TMEM59: variants seen among roughly 807,000 people sequenced by gnomAD.
TMEM59 encodes transmembrane protein 59, also known as dendritic cell factor 1.
In TMEM59, 44 loss-of-function variants were observed where a neutral mutation model predicts 42.2. The observed-to-expected ratio is 1.04, with a 90% CI of 0.82 to 1.34. The LOEUF (loss-of-function observed/expected upper bound fraction) is 1.34. TMEM59 is among the 40% of genes most tolerant of loss of function. The pLI, the probability that TMEM59 is intolerant of heterozygous loss-of-function variation, is 0.00. For synonymous variants in TMEM59, 148 were observed against 145.8 expected, an observed-to-expected ratio of 1.02 and a Z score of -0.11; for missense variants, 359 against 382.8, an observed-to-expected ratio of 0.94 and a Z score of 0.52.
At position 54,043,391 on chromosome 1, in the gene TMEM59, T is replaced by C. The variant is rs1413086793; in HGVS notation, c.525A>G (p.Gly175=). 1.3e-6 allele frequency: 2 copies of C among 1,551,030 alleles called. No individual in the cohort carries two copies. Among genetic ancestry groups the C allele is most frequent in the Non-Finnish European group, 8.7e-7 (1 of 1,151,916 alleles). Residue 175 remains glycine (G), a synonymous_variant, in exon 4 of 8, where the codon GGA becomes GGG. Transcript: ENST00000234831. ...SWTFYLQADD[G]KIVIFQSKPE... ...TTGTCACCTGGAATATAACTATTTT[T>C]CCGTCATCGGCTTGAAGATAAAAAG... is the stretch of plus-strand genomic sequence containing the variant.
intron 3 of TMEM59, chr1:54,043,857 G>C (rs1277416960): frequency 6.5e-6 from 1 of 152,884 alleles, no homozygotes; most frequent in Non-Finnish European, 1.5e-5. Flanking sequence ...AGGGTAGAAC[G>C]GGAAGGGACA....
chr1:54,033,498 A>G (rs1047318668), intron 7 of TMEM59: 26 of 148,176 alleles, frequency 1.8e-4, no homozygotes, highest in African/African-American at 5.0e-4. Context: ...GCTACTCAGG[A>G]GGTTGAGGCA....
chr1:54,038,120 G>C (rs1418032040), intron 6 of TMEM59, among the ~76,000 whole-genome samples: 1 of 152,122 alleles, frequency 6.6e-6, no homozygotes, highest in Non-Finnish European at 1.5e-5. Context: ...TCACATAGAA[G>C]CCTCTTCTTG....
chr1:54,047,259 C>G lies in TMEM59; in HGVS notation c.295+8G>C. On this transcript the variant is annotated splice_region_variant and intron_variant, in intron 2 of 7. Transcript: ENST00000234831. ...CATACAGCTGATGTCGTTAGCATAG[C>G]ATCTTACCAGATTCACATTCCAATT... The G allele has an allele frequency of 6.2e-7, 1 of 1,607,824 alleles. No individual in the cohort carries two copies. Among genetic ancestry groups the G allele is most frequent in the Non-Finnish European group, 8.5e-7 (1 of 1,175,398 alleles).
In TMEM59 at chr1:54,028,076, G is replaced by GC. The variant is rs1198438307; in HGVS notation, c.*4073dup. The GC allele has an allele frequency of 6.6e-6, 1 of 152,212 alleles. No homozygotes were observed. Among genetic ancestry groups the GC allele is most frequent in the African/African-American group, 2.4e-5 (1 of 41,440 alleles). The allele number at this position is 152,212 out of a possible 1,614,324, so 9.4% of individuals were successfully genotyped here. Reference sequence around the variant, plus strand: ...CAACTGGAAACCTGGTGGGAGGGGCGCAAGAGCACGCTGGCTTCCTAGAGA... The same window carrying GC: ...CAACTGGAAACCTGGTGGGAGGGGCGCCAAGAGCACGCTGGCTTCCTAGAGA... On this transcript the variant is annotated 3_prime_UTR_variant, in exon 8 of 8. Coordinates refer to ENST00000234831, the MANE Select transcript of TMEM59 (RefSeq NM_004872.5).
chr1:54,041,681 G>T, intron 5 of TMEM59, 43 bp downstream of exon 5: 1 of 1,505,204 alleles, frequency 6.6e-7, no homozygotes, highest in South Asian at 1.1e-5. Flanking sequence ...AACCAGATTT[G>T]ACTGCTAATG....
chr1:54,043,494 A>G lies in TMEM59; in HGVS notation c.422T>C (p.Leu141Pro). 6.5e-7 allele frequency: 1 copy of G among 1,528,390 alleles called. No individual in the cohort carries two copies. The highest frequency in any genetic ancestry group is 8.8e-7 in the Non-Finnish European group (1 of 1,137,558). 94.7% of individuals were successfully genotyped at this position (1,528,390 alleles called of 1,614,324 possible). ...LMSLMPKMHL[L>P]FPLTLVRSFW... ...TGACCTCACCAGAGTTAGAGGAAAG[A>G]GTAGGTGCATTTTTGGCATCAGGGA... is the stretch of plus-strand genomic sequence containing the variant. The change falls in exon 4 of 8, where the codon CTC (leucine) becomes CCC (proline). Residue 141 changes from leucine to proline, a missense_variant. Physicochemically the swap from Leu to Pro is moderately conservative, Grantham distance 98 (BLOSUM62 -3). Transcript: ENST00000234831.
chr1:54,048,806 C>A, intron 1 of TMEM59: 1 of 233,074 alleles, frequency 4.3e-6, no homozygotes, highest in Middle Eastern at 4.6e-4. Flanking sequence ...AGAAGAGATG[C>A]CTGCAGTCTA....
Position 54,029,173 on chromosome 1 carries a change from A to AT in TMEM59, c.*2976dup. ...GGTTTTCTGCTGATCAGCAGCTCAG[A>AT]TTGCCTCATGATGCACCACAGGGAT... On this transcript the variant is annotated 3_prime_UTR_variant, in exon 8 of 8. Coordinates refer to ENST00000234831, the MANE Select transcript of TMEM59 (RefSeq NM_004872.5). 6.6e-6 allele frequency: 1 copy of AT among 152,228 alleles called. No homozygotes were observed. Among genetic ancestry groups the AT allele is most frequent in the Non-Finnish European group, 1.5e-5 (1 of 68,046 alleles). The allele number at this position is 152,228 out of a possible 1,614,324, so 9.4% of individuals were successfully genotyped here.
At chr1:54,045,848 G>T in intron 2 of TMEM59, 62 bp from the exon 3 acceptor site, 7 of 1,417,716 alleles carry the variant, frequency 4.9e-6, no homozygotes, top group South Asian at 1.5e-5. Context: ...GGAAAGAAAA[G>T]GATTTGGCAT....
upstream of TMEM59, chr1:54,053,433 G>GA (rs1486884726): frequency 1.9e-6 from 1 of 535,708 alleles, no homozygotes; most frequent in African/African-American, 1.9e-5. Flanking sequence ...GCGCGAAGCG[G>GA]GGCCTCCTGA....
At chr1:54,053,434 G>T (rs2236512), upstream of TMEM59, 17 of 530,466 alleles carry the variant, frequency 3.2e-5, no homozygotes, top group South Asian at 7.6e-5. Flanking sequence ...CGCGAAGCGG[G>T]GCCTCCTGAC....
chr1:54,038,036 C>T (rs1657012123), intron 6 of TMEM59, among the ~76,000 whole-genome samples: 1 of 152,178 alleles, frequency 6.6e-6, no homozygotes, highest in South Asian at 2.1e-4. Flanking sequence ...TTCTTATCTA[C>T]TGCCCTAATC....
rs1289171005 is a variant in TMEM59, at chr1:54,032,232, A to G, written c.890T>C (p.Val297Ala). ...ATCTTCAGTTTTAGATCTAACAACC[A>G]CAAGAGAAGAAGCTGGATATCTGTT... ...KLNRYPASSLVVVRSKTEDHE... is the reference protein window; with the variant it reads ...KLNRYPASSLAVVRSKTEDHE... The change falls in exon 8 of 8, where the codon GTG (valine) becomes GCG (alanine). Residue 297 changes from valine (V) to alanine (A), a missense_variant. Val to Ala is a moderately conservative substitution (Grantham distance 64). Transcript: ENST00000234831. The G allele has an allele frequency of 2.5e-6, 4 of 1,613,224 alleles. No individual in the cohort carries two copies. In the East Asian group the frequency reaches 6.7e-5, roughly 27 times the overall value.
intron 7 of TMEM59, among the ~76,000 whole-genome samples, chr1:54,035,654 CCAGGCTGGAGTA>C (rs1363017917): frequency 6.6e-6 from 1 of 151,980 alleles, no homozygotes; most frequent in Admixed American, 6.5e-5. Context: ...TGTTCTGTCA[CCAGGCTGGAGTA>C]CAGTGGCACA....
chr1:54,052,626 T>C (rs1403663281), intron 1 of TMEM59, among the ~76,000 whole-genome samples: 2 of 152,146 alleles, frequency 1.3e-5, no homozygotes, highest in Non-Finnish European at 2.9e-5. Context: ...CTCGCGTATC[T>C]GCGCCTCCCT....
At chr1:54,038,157 T>G (rs1244739038) in intron 6 of TMEM59, among the ~76,000 whole-genome samples, 1 of 152,202 alleles carries the variant, frequency 6.6e-6, no homozygotes, top group Non-Finnish European at 1.5e-5. Flanking sequence ...TTCTCTCTAT[T>G]CCTGTTTTCC....
Position 54,032,323 on chromosome 1 carries a change from T to A in TMEM59, c.817-18A>T. The A allele has an allele frequency of 1.9e-6, 3 of 1,587,792 alleles. No individual in the cohort carries two copies. Among genetic ancestry groups the A allele is most frequent in the East Asian group, 2.2e-5 (1 of 44,548 alleles). Reference sequence around the variant, plus strand: ...CTCAGCTTCTGCAAAAGAAAACCAATGTACATTAGTAGTCTGGATAATTAG... The same window carrying A: ...CTCAGCTTCTGCAAAAGAAAACCAAAGTACATTAGTAGTCTGGATAATTAG... On this transcript the variant is annotated intron_variant, in intron 7 of 7. Transcript: ENST00000234831.
chr1:54,032,236 GAGA>G lies in TMEM59; in HGVS notation c.883_885del (p.Ser295del). 1 of 1,613,198 alleles carries G rather than the reference GAGA, an allele frequency of 6.2e-7. No individual in the cohort carries two copies. The highest frequency in any genetic ancestry group is 8.5e-7 in the Non-Finnish European group (1 of 1,179,572). ...TCAGTTTTAGATCTAACAACCACAAGAGAAGAAGCTGGATATCTGTTTAGCTTT... is the reference window on the plus strand; with the variant it reads ...TCAGTTTTAGATCTAACAACCACAAGAGAAGCTGGATATCTGTTTAGCTTT... On this transcript the variant is annotated inframe_deletion, in exon 8 of 8. Transcript: ENST00000234831.
Sources: allele counts gnomAD v4.1 joint callset (sites outside exome capture counted in the v4.1 genomes callset), GRCh38; gene constraint gnomAD v4.1.1; transcripts MANE v1.5; gene names NCBI Gene and HGNC (gene_info 2026-07-23, HGNC 2026-07-21).